ARHGEF3: variants seen among roughly 807,000 people sequenced by gnomAD.
The protein encoded by ARHGEF3 is Rho guanine nucleotide exchange factor 3, also known as 59.8 kDA protein.
ARHGEF3 carries 28 observed loss-of-function variants against 63.2 expected under a neutral mutation model. The observed-to-expected ratio is 0.44, with a 90% CI of 0.33 to 0.61. The LOEUF is 0.61. Ranked by LOEUF, ARHGEF3 falls within the 20% of genes least tolerant of loss-of-function variation. The pLI is 0.03. For missense variants in ARHGEF3, 533 were observed against 659.3 expected (o/e 0.81, Z 2.10); for synonymous variants, 266 against 254.2 (o/e 1.05, Z -0.44).
intron 2 of ARHGEF3, among the ~76,000 whole-genome samples, chr3:57,000,066 A>G (rs1255683820): frequency 6.6e-6 from 1 of 152,174 alleles, no homozygotes; most frequent in Non-Finnish European, 1.5e-5. Flanking sequence ...AATAGGCAGC[A>G]TCTGTATCCT....
intron 3 of ARHGEF3, among the ~76,000 whole-genome samples, chr3:56,883,298 TTTTC>T (rs1386938687): frequency 1.3e-5 from 2 of 151,894 alleles, no homozygotes; most frequent in Non-Finnish European, 2.9e-5. Flanking sequence ...AAAAGTATGT[TTTTC>T]TTTTTTTTTT....
chr3:56,848,903 A>G (rs1207276421), intron 4 of ARHGEF3, among the ~76,000 whole-genome samples: 1 of 152,186 alleles, frequency 6.6e-6, no homozygotes, highest in Non-Finnish European at 1.5e-5. Flanking sequence ...TCCTGGCCTC[A>G]GGTGAGCCAC....
At chr3:56,756,975 G>C (rs2035112855) in intron 2 of ARHGEF3, among the ~76,000 whole-genome samples, 1 of 152,118 alleles carries the variant, frequency 6.6e-6, no homozygotes, top group South Asian at 2.1e-4. Context: ...ATATAGCAAT[G>C]ATCATACTTG....
intron 1 of ARHGEF3, 114 bp from the exon 2 acceptor site, chr3:56,773,930 T>C: frequency 1.2e-6 from 1 of 848,100 alleles, no homozygotes; most frequent in Non-Finnish European, 1.8e-6. Context: ...CACTGATCTA[T>C]GGAATATAAA....
chr3:56,921,085 G>A (rs1458244302), intron 3 of ARHGEF3, among the ~76,000 whole-genome samples: 4 of 149,316 alleles, frequency 2.7e-5, no homozygotes, highest in Non-Finnish European at 4.4e-5. Context: ...AAACTCATGG[G>A]CCAGTGCAGT....
At chr3:56,947,594 T>C (rs897712870) in intron 3 of ARHGEF3, among the ~76,000 whole-genome samples, 3 of 152,176 alleles carry the variant, frequency 2.0e-5, no homozygotes, top group East Asian at 1.9e-4. Context: ...TAAATATATA[T>C]GCACCCAATA....
chr3:57,007,106 G>T, intron 2 of ARHGEF3: 1 of 1,147,926 alleles, frequency 8.7e-7, no homozygotes, highest in Non-Finnish European at 1.1e-6. Flanking sequence ...AACCCAGCAA[G>T]GTGTACAGTT....
At chr3:57,044,142 C>T (rs939479005) in intron 1 of ARHGEF3, among the ~76,000 whole-genome samples, 3 of 152,232 alleles carry the variant, frequency 2.0e-5, no homozygotes, top group African/African-American at 7.2e-5. Flanking sequence ...CCCAACTGCA[C>T]CAGGCTGTGT....
intron 1 of ARHGEF3, among the ~76,000 whole-genome samples, chr3:56,787,901 A>G (rs2036903538): frequency 6.6e-6 from 1 of 152,198 alleles, no homozygotes; most frequent in Non-Finnish European, 1.5e-5. Flanking sequence ...CACACAGTCC[A>G]AATTGAGCCC....
At chr3:56,945,304 C>T (rs952015627) in intron 3 of ARHGEF3, among the ~76,000 whole-genome samples, 11 of 151,974 alleles carry the variant, frequency 7.2e-5, no homozygotes, top group Non-Finnish European at 1.2e-4. Flanking sequence ...GAGCGTGAGC[C>T]GAAGCAGGGT....
intron 4 of ARHGEF3, among the ~76,000 whole-genome samples, chr3:56,825,214 G>A (rs147456598): frequency 2.8e-4 from 42 of 152,326 alleles, no homozygotes; most frequent in Non-Finnish European, 4.7e-4. Flanking sequence ...TGCCAGGCAT[G>A]GTAAACGTCA....
At position 57,040,213 on chromosome 3, in the gene ARHGEF3, T is replaced by A. The variant is rs576909754; in HGVS notation, c.-27-5037A>T. Among the ~76,000 whole-genome samples the A allele has an allele frequency of 1.5e-3, 222 of 152,250 alleles. 1 individual carries two copies. Among genetic ancestry groups the A allele is most frequent in the Non-Finnish European group, 2.6e-3 (180 of 68,002 alleles). ...CACAACAGGGCCAGGCACAGTGGCTTATGCCTGTAATCCCAGCACTTTTGG... is the reference window on the plus strand; with the variant it reads ...CACAACAGGGCCAGGCACAGTGGCTAATGCCTGTAATCCCAGCACTTTTGG... On this transcript the variant is annotated intron_variant, in intron 1 of 12. Transcript: ENST00000338458.
At chr3:57,066,410 C>T (rs915697269) in intron 1 of ARHGEF3, among the ~76,000 whole-genome samples, 4 of 152,102 alleles carry the variant, frequency 2.6e-5, no homozygotes, top group African/African-American at 9.7e-5. Context: ...TGCAGGCACC[C>T]GCCACCATGC....
At chr3:56,958,949 T>C in intron 2 of ARHGEF3, 1 of 1,471,016 alleles carries the variant, frequency 6.8e-7, no homozygotes, top group Non-Finnish European at 9.3e-7. Context: ...AGGAAGTCAC[T>C]GCTTTCAAAT....
At chr3:57,014,348 A>C (rs531802179) in intron 2 of ARHGEF3, among the ~76,000 whole-genome samples, 24 of 152,316 alleles carry the variant, frequency 1.6e-4, no homozygotes, top group African/African-American at 5.5e-4. Flanking sequence ...AATAGTGCAC[A>C]GCCTTAACCA....
At chr3:57,061,752 C>T (rs1375880218) in intron 1 of ARHGEF3, among the ~76,000 whole-genome samples, 1 of 152,204 alleles carries the variant, frequency 6.6e-6, no homozygotes, top group African/African-American at 2.4e-5. Flanking sequence ...AGTGAGCAGT[C>T]TCTCATCCTG....
Position 56,795,965 on chromosome 3 carries a change from G to C in ARHGEF3, c.96+5738C>G, listed in dbSNP as rs1319704250. Among the ~76,000 whole-genome samples the C allele has an allele frequency of 2.1e-5, 3 of 141,952 alleles. No individual in the cohort carries two copies. In the Admixed American group the frequency reaches 2.1e-4, roughly 10 times the overall value. The allele number at this position is 141,952 out of a possible 152,430, so 93.1% of individuals were successfully genotyped here. A position where few individuals can be genotyped will look rare whatever the true frequency, so the allele number is the denominator to read the frequency against. ...ACAGCCTCTTCTAAACTAGTTATTGGTGTCAACTAATTAAAAAAAAAAAAA... is the reference window on the plus strand; with the variant it reads ...ACAGCCTCTTCTAAACTAGTTATTGCTGTCAACTAATTAAAAAAAAAAAAA... On this transcript the variant is annotated intron_variant, in intron 1 of 9. Transcript: ENST00000296315.
intron 4 of ARHGEF3, among the ~76,000 whole-genome samples, chr3:56,855,528 C>T (rs1369368904): frequency 1.3e-5 from 2 of 151,702 alleles, no homozygotes. Context: ...ACTAAAAATA[C>T]AAAAATTAGC....
intron 4 of ARHGEF3, among the ~76,000 whole-genome samples, chr3:56,847,058 G>A (rs557656112): frequency 6.6e-5 from 10 of 152,278 alleles, no homozygotes; most frequent in Admixed American, 5.9e-4. Flanking sequence ...GGCTCAGAGA[G>A]GTTTAAGTGA....
Sources: allele counts gnomAD v4.1 joint callset (sites outside exome capture counted in the v4.1 genomes callset), GRCh38; gene constraint gnomAD v4.1.1; transcripts MANE v1.5; gene names NCBI Gene and HGNC (gene_info 2026-07-23, HGNC 2026-07-21).